SOX5: variants seen among roughly 807,000 people sequenced by gnomAD.
The protein encoded by SOX5 is SRY-box transcription factor 5, also known as transcription factor SOX-5.
A neutral mutation model predicts 92.0 loss-of-function variants in SOX5; 9 were observed. The ratio of observed to expected loss-of-function variants is 0.10; its 90% CI spans 0.06 to 0.17. SOX5 has a LOEUF of 0.17. Among genes scored for constraint, SOX5 ranks in the 10% least tolerant of loss-of-function variants. The pLI is 1.00. For missense variants in SOX5, 642 were observed against 944.5 expected, an observed-to-expected ratio of 0.68 and a Z score of 4.20; for synonymous variants, 344 against 336.3, an observed-to-expected ratio of 1.02 and a Z score of -0.25.
intron 4 of SOX5, among the ~76,000 whole-genome samples, chr12:23,971,871 A>T (rs1280720364): frequency 6.6e-6 from 1 of 152,198 alleles, no homozygotes; most frequent in Non-Finnish European, 1.5e-5. Flanking sequence ...TAAATTACAT[A>T]TTCCTCCAAA....
intron 4 of SOX5, among the ~76,000 whole-genome samples, chr12:24,159,982 G>C (rs911645141): frequency 6.6e-6 from 1 of 151,816 alleles, no homozygotes; most frequent in African/African-American, 2.4e-5. Flanking sequence ...AAAAATTAAA[G>C]TTCAATACAA....
intron 4 of SOX5, among the ~76,000 whole-genome samples, chr12:24,036,119 A>G (rs1444274697): frequency 6.6e-6 from 1 of 152,128 alleles, no homozygotes; most frequent in Non-Finnish European, 1.5e-5. Flanking sequence ...CAAAATGCCA[A>G]TATAATTGGC....
chr12:23,665,466 G>C lies in SOX5; in HGVS notation c.909C>G (p.Gly303=). 6.2e-7 allele frequency: 1 copy of C among 1,613,594 alleles called. No homozygotes were observed. The highest frequency in any genetic ancestry group is 8.5e-7 in the Non-Finnish European group (1 of 1,179,634). ...TACTACATCCAGCCTTATAGCTGAA[G>C]CCTGGAGGGAGGAGGAATCCTTGCT... is the stretch of plus-strand genomic sequence containing the variant. ...AAQQGFLLPP[G]FSYKAGCSDP... Residue 303 remains glycine (G), a synonymous_variant, in exon 7 of 15, where the codon GGC becomes GGG. Transcript: ENST00000451604.
intron 2 of SOX5, among the ~76,000 whole-genome samples, chr12:23,888,061 G>A (rs1464125369): frequency 6.6e-6 from 1 of 151,814 alleles, no homozygotes; most frequent in South Asian, 2.1e-4. Flanking sequence ...CTGTATCAGG[G>A]TTCTAATATT....
At chr12:23,688,492 A>G (rs17472731) in intron 6 of SOX5, among the ~76,000 whole-genome samples, 1 of 151,834 alleles carries the variant, frequency 6.6e-6, no homozygotes, top group Non-Finnish European at 1.5e-5. Context: ...CATAGCAATA[A>G]TAAAAATTAA....
chr12:23,848,061 T>C (rs1041296744), intron 2 of SOX5, among the ~76,000 whole-genome samples: 1 of 152,162 alleles, frequency 6.6e-6, no homozygotes, highest in Non-Finnish European at 1.5e-5. Flanking sequence ...GCGAAACCTC[T>C]GTACTAATTT....
intron 4 of SOX5, among the ~76,000 whole-genome samples, chr12:24,059,040 A>G (rs1232244835): frequency 6.6e-6 from 1 of 152,204 alleles, no homozygotes; most frequent in Non-Finnish European, 1.5e-5. Context: ...ATTTCATTTT[A>G]TTATAACATT....
chr12:23,799,204 A>G (rs971809187), intron 3 of SOX5, among the ~76,000 whole-genome samples: 5 of 152,052 alleles, frequency 3.3e-5, no homozygotes, highest in African/African-American at 1.2e-4. Flanking sequence ...TTAAGAATGT[A>G]TAAGCATTCT....
At chr12:23,835,890 A>G (rs1183222992) in intron 3 of SOX5, among the ~76,000 whole-genome samples, 3 of 151,778 alleles carry the variant, frequency 2.0e-5, no homozygotes, top group Non-Finnish European at 3.0e-5. Flanking sequence ...TCATCTGGAA[A>G]TGGAGATAAT....
Position 23,561,675 on chromosome 12 carries a change from C to A in SOX5, c.1488+1583G>T, listed in dbSNP as rs17381981. 5.3e-5 allele frequency among the ~76,000 whole-genome samples: 8 copies of A among 152,120 alleles called. No individual in the cohort carries two copies. The South Asian group carries it at 1.7e-3, about 32-fold the overall frequency. On this transcript the variant is annotated intron_variant, in intron 11 of 14. Coordinates refer to ENST00000451604, the MANE Select transcript of SOX5 (RefSeq NM_006940.6). ...TGGGCTCCCTGATCCAACCACAAGG[C>A]CTGCTTTGCAAGTATATAGAACTCA...
At chr12:24,017,451 T>A (rs1007810844) in intron 4 of SOX5, among the ~76,000 whole-genome samples, 2 of 151,656 alleles carry the variant, frequency 1.3e-5, no homozygotes, top group Non-Finnish European at 2.9e-5. Context: ...GCAAAAAAAA[T>A]TAGCAGAGCG....
intron 2 of SOX5, among the ~76,000 whole-genome samples, chr12:24,348,392 T>TTATG (rs1953615336): frequency 6.6e-6 from 1 of 151,832 alleles, no homozygotes; most frequent in South Asian, 2.1e-4. Flanking sequence ...ATTTATTTAT[T>TTATG]TATTTGTTGA....
chr12:23,851,495 A>G (rs1214398170), intron 2 of SOX5, among the ~76,000 whole-genome samples: 1 of 152,148 alleles, frequency 6.6e-6, no homozygotes. Context: ...ATCAAATTAA[A>G]TACTCTGGGA....
At chr12:23,762,355 A>T in intron 3 of SOX5, 1 of 345,932 alleles carries the variant, frequency 2.9e-6, no homozygotes, top group East Asian at 4.0e-5. Context: ...CTTTGTTTGC[A>T]CCTGTGAATA....
chr12:24,111,207 A>T (rs1947314430), intron 4 of SOX5, among the ~76,000 whole-genome samples: 1 of 152,158 alleles, frequency 6.6e-6, no homozygotes, highest in Admixed American at 6.5e-5. Flanking sequence ...CTCTAAGCAA[A>T]CCACATTTCT....
At chr12:23,976,410 A>AC (rs1426782845) in intron 4 of SOX5, among the ~76,000 whole-genome samples, 4 of 149,084 alleles carry the variant, frequency 2.7e-5, no homozygotes, top group African/African-American at 9.9e-5. Context: ...AAAAAACAAA[A>AC]AAAAAAAAAA....
intron 4 of SOX5, among the ~76,000 whole-genome samples, chr12:24,073,800 T>G (rs1036589375): frequency 5.3e-5 from 8 of 152,148 alleles, no homozygotes; most frequent in African/African-American, 1.9e-4. Flanking sequence ...GAAAGATAAA[T>G]AAATAAATAA....
intron 3 of SOX5, among the ~76,000 whole-genome samples, chr12:23,821,583 G>C (rs2096118239): frequency 6.6e-6 from 1 of 151,332 alleles, no homozygotes; most frequent in South Asian, 2.1e-4. Context: ...AGTTTATTGA[G>C]TGTTTTAGCA....
chr12:24,519,880 T>C (rs1950116036), intron 1 of SOX5, among the ~76,000 whole-genome samples: 1 of 152,052 alleles, frequency 6.6e-6, no homozygotes, highest in African/African-American at 2.4e-5. Flanking sequence ...TGAGGCACAT[T>C]ACAATCAAAT....
Sources: allele counts gnomAD v4.1 joint callset (sites outside exome capture counted in the v4.1 genomes callset), GRCh38; gene constraint gnomAD v4.1.1; transcripts MANE v1.5; gene names NCBI Gene and HGNC (gene_info 2026-07-23, HGNC 2026-07-21).